LCOR: variants seen among roughly 807,000 people sequenced by gnomAD.
The protein encoded by LCOR is ligand dependent nuclear receptor corepressor.
In LCOR, 14 loss-of-function variants were observed where a neutral mutation model predicts 64.4. The ratio of observed to expected loss-of-function variants is 0.22; its 90% CI spans 0.14 to 0.34. The LOEUF (loss-of-function observed/expected upper bound fraction) is 0.34, where lower values mean the gene tolerates loss of function less well. LCOR is among the 10% of genes least tolerant of loss of function. The pLI is 1.00. For missense variants in LCOR, 1,686 were observed against 1,765.3 expected (o/e 0.96, Z 0.80); for synonymous variants, 643 against 642.5 (o/e 1.00, Z -0.01).
chr10:96,976,887 A>G (rs998496474), intron 7 of LCOR, among the ~76,000 whole-genome samples: 3 of 152,178 alleles, frequency 2.0e-5, no homozygotes, highest in Non-Finnish European at 4.4e-5. Context: ...ATTTTTGCGA[A>G]GAGTTAGGTA....
chr10:96,917,904 A>C (rs1846983057), intron 4 of LCOR, among the ~76,000 whole-genome samples: 1 of 152,114 alleles, frequency 6.6e-6, no homozygotes, highest in Admixed American at 6.5e-5. Flanking sequence ...GAGAGAAGGG[A>C]AAGTTTTGGT....
chr10:96,852,682 T>A (rs1012624466), intron 2 of LCOR, among the ~76,000 whole-genome samples: 1 of 152,166 alleles, frequency 6.6e-6, no homozygotes, highest in Non-Finnish European at 1.5e-5. Flanking sequence ...GAGATAGAGC[T>A]CCATGAAGTA....
chr10:96,916,274 G>A (rs549838355), intron 4 of LCOR, among the ~76,000 whole-genome samples: 4 of 151,866 alleles, frequency 2.6e-5, no homozygotes, highest in South Asian at 4.1e-4. Flanking sequence ...CTCGTGATCC[G>A]CCCACCTCGG....
intron 2 of LCOR, among the ~76,000 whole-genome samples, chr10:96,862,883 CT>C (rs1384673987): frequency 2.4e-3 from 337 of 141,818 alleles, no homozygotes; most frequent in Middle Eastern, 3.6e-3. Flanking sequence ...CTTTTCTTTT[CT>C]TTTTTTTTTT....
intron 2 of LCOR, among the ~76,000 whole-genome samples, chr10:96,841,362 C>CTTTTT (rs199853768): frequency 7.4e-6 from 1 of 134,816 alleles, no homozygotes; most frequent in African/African-American, 2.8e-5. Context: ...AAAACTTACA[C>CTTTTT]TTTTTTTTTT....
intron 2 of LCOR, among the ~76,000 whole-genome samples, chr10:96,864,690 T>G (rs551033953): frequency 6.6e-6 from 1 of 152,354 alleles, no homozygotes; most frequent in Admixed American, 6.5e-5. Context: ...CTTGTAAGAT[T>G]ATAATACTGT....
chr10:96,952,293 C>G, intron 7 of LCOR, 97 bp downstream of exon 7: 1 of 759,712 alleles, frequency 1.3e-6, no homozygotes, highest in Non-Finnish European at 2.2e-6. Context: ...AATAACCCTT[C>G]TAAGTAAGTC....
intron 7 of LCOR, among the ~76,000 whole-genome samples, chr10:96,970,733 C>A (rs893066699): frequency 3.3e-5 from 5 of 151,438 alleles, no homozygotes; most frequent in African/African-American, 1.2e-4. Context: ...GATCTCGGCT[C>A]ACCACAGCCT....
intron 7 of LCOR, chr10:96,958,906 T>TAAAAAAAAAAAAAAAAAAAAAAAAAAAAA (rs74784568): frequency 1.9e-5 from 2 of 103,884 alleles, no homozygotes; most frequent in Non-Finnish European, 4.3e-5. Flanking sequence ...AAGAAAAACT[T>TAAAAAAAAAAAAAAAAAAAAAAAAAAAAA]AAAAAAAAAA....
chr10:96,961,457 A>G (rs1291239665), intron 7 of LCOR: 1 of 152,082 alleles, frequency 6.6e-6, no homozygotes, highest in Non-Finnish European at 1.5e-5. Context: ...TCAACACTGG[A>G]AATGACCCTA....
chr10:96,955,337 A>T (rs1351836867), intron 7 of LCOR: 2 of 1,614,056 alleles, frequency 1.2e-6, no homozygotes. Flanking sequence ...AAGCAAAACA[A>T]GATGGAAAAA....
chr10:96,837,212 G>A (rs1589594650), intron 2 of LCOR, among the ~76,000 whole-genome samples: 1 of 152,050 alleles, frequency 6.6e-6, no homozygotes, highest in African/African-American at 2.4e-5. Flanking sequence ...GGATGGTCTT[G>A]ATCTGCTGAC....
chr10:96,969,035 G>A (rs535141375), intron 7 of LCOR, among the ~76,000 whole-genome samples: 71 of 152,334 alleles, frequency 4.7e-4, no homozygotes, highest in African/African-American at 1.7e-3. Flanking sequence ...ATCTGTAAAA[G>A]AGGGTCATAG....
At chr10:96,899,841 G>A (rs1846603508) in intron 2 of LCOR, among the ~76,000 whole-genome samples, 1 of 152,064 alleles carries the variant, frequency 6.6e-6, no homozygotes, top group South Asian at 2.1e-4. Flanking sequence ...TTACAAGGCT[G>A]GCTCTAATAG....
intron 4 of LCOR, among the ~76,000 whole-genome samples, chr10:96,931,627 A>G (rs994771847): frequency 1.3e-5 from 2 of 152,194 alleles, no homozygotes; most frequent in Non-Finnish European, 2.9e-5. Flanking sequence ...GATATTGGGA[A>G]GTGGACGCAA....
chr10:96,921,758 C>G (rs547734168), intron 4 of LCOR, among the ~76,000 whole-genome samples: 2 of 152,352 alleles, frequency 1.3e-5, no homozygotes, highest in South Asian at 2.1e-4. Flanking sequence ...GCCACGGCCC[C>G]CAGCCCAGCT....
intron 7 of LCOR, chr10:96,957,298 AG>A (rs1295641402): frequency 2.0e-6 from 2 of 985,122 alleles, no homozygotes; most frequent in African/African-American, 3.5e-5. Context: ...CACACAGTTC[AG>A]GACCTTTGAG....
intron 7 of LCOR, among the ~76,000 whole-genome samples, chr10:96,979,005 A>C (rs1047364429): frequency 6.6e-6 from 1 of 152,258 alleles, no homozygotes; most frequent in Admixed American, 6.5e-5. Flanking sequence ...AGTAAATGTC[A>C]GAGCCAAAGG....
At chr10:96,835,904 G>C (rs977450109) in intron 2 of LCOR, among the ~76,000 whole-genome samples, 1 of 152,158 alleles carries the variant, frequency 6.6e-6, no homozygotes, top group African/African-American at 2.4e-5. Flanking sequence ...TGGTTACCAG[G>C]TGATTATTAA....
Sources: gnomAD v4.1 joint callset for allele counts (sites outside exome capture counted in the v4.1 genomes callset) on GRCh38, gnomAD v4.1.1 for gene constraint, MANE v1.5 for transcripts, NCBI Gene and HGNC (gene_info 2026-07-23, HGNC 2026-07-21) for gene names.